XKR6: variants seen among roughly 807,000 people sequenced by gnomAD.
The protein encoded by XKR6 is XK related 6.
A neutral mutation model predicts 56.7 loss-of-function variants in XKR6; 22 were observed. That is an observed-to-expected ratio of 0.39 (90% confidence interval 0.28 to 0.55). The LOEUF (loss-of-function observed/expected upper bound fraction) is 0.55. Among genes scored for constraint, XKR6 ranks in the 20% least tolerant of loss-of-function variants. XKR6 has a pLI of 0.66. For synonymous variants in XKR6, 524 were observed against 387.8 expected (o/e 1.35, Z -4.13); for missense variants, 852 against 889.0 (o/e 0.96, Z 0.53).
At chr8:10,912,279 G>A (rs1378820204) in intron 2 of XKR6, among the ~76,000 whole-genome samples, 1 of 115,628 alleles carries the variant, frequency 8.6e-6, no homozygotes, top group Non-Finnish European at 1.8e-5. Context: ...GAGAAATGGT[G>A]TGTATATACA....
At chr8:11,126,781 T>C (rs1188044614) in intron 1 of XKR6, among the ~76,000 whole-genome samples, 2 of 152,172 alleles carry the variant, frequency 1.3e-5, no homozygotes, top group African/African-American at 2.4e-5. Flanking sequence ...GTGAAAATTA[T>C]AACCTCAGAG....
At chr8:11,132,950 G>C (rs1161284064) in intron 1 of XKR6, among the ~76,000 whole-genome samples, 1 of 151,164 alleles carries the variant, frequency 6.6e-6, no homozygotes, top group Non-Finnish European at 1.5e-5. Flanking sequence ...AAAGATACAA[G>C]TAAAAAAGAA....
At chr8:11,179,308 A>G (rs955157929) in intron 1 of XKR6, among the ~76,000 whole-genome samples, 3 of 152,084 alleles carry the variant, frequency 2.0e-5, no homozygotes, top group African/African-American at 7.2e-5. Flanking sequence ...TTAACTGACA[A>G]TTTTCTAGTG....
At chr8:11,054,354 G>C (rs1029767073) in intron 1 of XKR6, among the ~76,000 whole-genome samples, 1 of 152,200 alleles carries the variant, frequency 6.6e-6, no homozygotes, top group Non-Finnish European at 1.5e-5. Context: ...AAGCTGCAAG[G>C]CCTGAAGCCT....
intron 1 of XKR6, among the ~76,000 whole-genome samples, chr8:11,069,652 C>T (rs927307252): frequency 2.0e-5 from 3 of 152,124 alleles, no homozygotes; most frequent in Non-Finnish European, 4.4e-5. Flanking sequence ...CAGAAGAGGG[C>T]TCCAGAGAGG....
intron 1 of XKR6, among the ~76,000 whole-genome samples, chr8:11,075,863 A>C (rs954301133): frequency 1.3e-5 from 2 of 151,862 alleles, no homozygotes; most frequent in African/African-American, 4.8e-5. Context: ...ACATAGCGAG[A>C]CTCTGTCCCC....
intron 1 of XKR6, among the ~76,000 whole-genome samples, chr8:10,988,460 C>T (rs1487153346): frequency 6.6e-6 from 1 of 152,204 alleles, no homozygotes; most frequent in African/African-American, 2.4e-5. Context: ...ACAGAGCACA[C>T]ACAGACACTA....
chr8:11,059,704 T>G (rs12156295), intron 1 of XKR6, among the ~76,000 whole-genome samples: 81,536 of 134,490 alleles, frequency 0.61, 24,159 homozygotes, highest in African/African-American at 0.74. Flanking sequence ...GACAGGCGCG[T>G]CTCTGTTCCC....
intron 1 of XKR6, among the ~76,000 whole-genome samples, chr8:11,134,709 C>A (rs1444677945): frequency 6.6e-6 from 1 of 152,102 alleles, no homozygotes; most frequent in Non-Finnish European, 1.5e-5. Flanking sequence ...CACACACACA[C>A]ACACACAGCC....
intron 1 of XKR6, among the ~76,000 whole-genome samples, chr8:11,158,571 C>T (rs201515408): frequency 2.0e-5 from 3 of 152,122 alleles, no homozygotes; most frequent in Non-Finnish European, 4.4e-5. Flanking sequence ...CTTCATTAGT[C>T]GCCATTGAGA....
At chr8:11,099,338 A>T (rs763974275) in intron 1 of XKR6, among the ~76,000 whole-genome samples, 56 of 152,362 alleles carry the variant, frequency 3.7e-4, no homozygotes, top group Non-Finnish European at 6.2e-4. Flanking sequence ...AATACCTGTT[A>T]AATGGCTGAA....
At chr8:11,141,209 T>C (rs549926029) in intron 1 of XKR6, among the ~76,000 whole-genome samples, 1 of 152,338 alleles carries the variant, frequency 6.6e-6, no homozygotes, top group African/African-American at 2.4e-5. Flanking sequence ...AGACTTCCTA[T>C]GTGTATTGTG....
At chr8:11,028,981 G>C (rs1027876715) in intron 1 of XKR6, among the ~76,000 whole-genome samples, 1 of 152,170 alleles carries the variant, frequency 6.6e-6, no homozygotes, top group African/African-American at 2.4e-5. Context: ...TTAGCTATGA[G>C]CTCTTTAAGG....
At chr8:10,911,532 G>T (rs1470606156) in intron 2 of XKR6, among the ~76,000 whole-genome samples, 1 of 145,138 alleles carries the variant, frequency 6.9e-6, no homozygotes, top group Non-Finnish European at 1.5e-5. Context: ...AGAAAGAGAG[G>T]GGGTGAATAT....
chr8:11,008,352 C>T (rs575356989), intron 1 of XKR6, among the ~76,000 whole-genome samples: 1 of 151,678 alleles, frequency 6.6e-6, no homozygotes, highest in Admixed American at 6.6e-5. Flanking sequence ...TACAGCCAGG[C>T]CTTCTTTCCT....
intron 1 of XKR6, among the ~76,000 whole-genome samples, chr8:11,113,217 T>C (rs138083153): frequency 2.6e-5 from 4 of 152,198 alleles, no homozygotes; most frequent in African/African-American, 9.6e-5. Context: ...AACCACTTAT[T>C]TGAAATAATA....
intron 2 of XKR6, among the ~76,000 whole-genome samples, chr8:10,908,224 C>T (rs1181424573): frequency 6.6e-6 from 1 of 152,128 alleles, no homozygotes; most frequent in African/African-American, 2.4e-5. Flanking sequence ...TCACATGCAA[C>T]GAGCATGAAG....
chr8:11,053,073 G>C (rs543252920), intron 1 of XKR6, among the ~76,000 whole-genome samples: 2 of 152,286 alleles, frequency 1.3e-5, no homozygotes, highest in Admixed American at 6.5e-5. Flanking sequence ...GCCACCCTGT[G>C]CACCCAGGGT....
chr8:11,009,486 G>C (rs1033164584), intron 1 of XKR6, among the ~76,000 whole-genome samples: 1 of 152,124 alleles, frequency 6.6e-6, no homozygotes, highest in Admixed American at 6.6e-5. Context: ...CTCCAGCCTT[G>C]GTGAGAGAGT....
Sources: allele counts gnomAD v4.1 joint callset (sites outside exome capture counted in the v4.1 genomes callset), GRCh38; gene constraint gnomAD v4.1.1; transcripts MANE v1.5; gene names NCBI Gene and HGNC (gene_info 2026-07-23, HGNC 2026-07-21).